The following MMP16 variants were observed in gnomAD, a reference collection of about 807,000 sequenced individuals.
MMP16 encodes the protein matrix metalloproteinase-16.
Under a neutral mutation model 67.8 loss-of-function variants are expected in MMP16, and 12 were observed. That is an observed-to-expected ratio of 0.18 (90% CI 0.11 to 0.29). The LOEUF (loss-of-function observed/expected upper bound fraction) is 0.29. Ranked by LOEUF, MMP16 falls within the 10% of genes least tolerant of loss-of-function variation. The pLI is 1.00. For synonymous variants in MMP16, 249 were observed against 255.9 expected, an observed-to-expected ratio of 0.97 and a Z score of 0.26; for missense variants, 475 against 765.7, an observed-to-expected ratio of 0.62 and a Z score of 4.48.
intron 3 of MMP16, among the ~76,000 whole-genome samples, chr8:88,178,882 T>G (rs1166567922): frequency 6.6e-6 from 1 of 152,090 alleles, no homozygotes; most frequent in African/African-American, 2.4e-5. Context: ...CAATATATTG[T>G]ATCTAATCTC....
intron 4 of MMP16, among the ~76,000 whole-genome samples, chr8:88,128,157 A>T (rs981665012): frequency 3.3e-5 from 5 of 151,874 alleles, no homozygotes; most frequent in African/African-American, 1.2e-4. Flanking sequence ...TCCTTCATAA[A>T]GTTGGAAGCC....
chr8:88,116,848 A>G, intron 5 of MMP16, 130 bp from the exon 6 acceptor site: 1 of 806,676 alleles, frequency 1.2e-6, no homozygotes, highest in Non-Finnish European at 1.9e-6. Flanking sequence ...TTAAGATCGT[A>G]TATTTTCTGA....
At chr8:88,144,128 T>A (rs1808254683) in intron 4 of MMP16, among the ~76,000 whole-genome samples, 1 of 151,964 alleles carries the variant, frequency 6.6e-6, no homozygotes, top group Non-Finnish European at 1.5e-5. Flanking sequence ...TTGACTCTGG[T>A]TTAATGTATA....
chr8:88,103,196 C>A (rs555313495), intron 6 of MMP16, among the ~76,000 whole-genome samples: 1 of 151,882 alleles, frequency 6.6e-6, no homozygotes, highest in East Asian at 2.0e-4. Context: ...AGATTATATC[C>A]CTTCACAAAA....
intron 1 of MMP16, among the ~76,000 whole-genome samples, chr8:88,276,151 T>C (rs975925903): frequency 1.3e-5 from 2 of 152,052 alleles, no homozygotes; most frequent in Admixed American, 6.6e-5. Context: ...ATTTGCAGAA[T>C]TGGACAGAGA....
chr8:88,208,091 A>G (rs1026226402), intron 1 of MMP16, among the ~76,000 whole-genome samples: 3 of 152,236 alleles, frequency 2.0e-5, no homozygotes, highest in Admixed American at 6.5e-5. Context: ...ATTGAGAAGA[A>G]AACATAGTTG....
chr8:88,207,809 T>A (rs1258977926), intron 1 of MMP16, among the ~76,000 whole-genome samples: 1 of 152,074 alleles, frequency 6.6e-6, no homozygotes. Flanking sequence ...AATCTCCAGT[T>A]GAAAAAGGAG....
At chr8:88,292,841 C>A (rs190210650) in intron 1 of MMP16, among the ~76,000 whole-genome samples, 2 of 152,138 alleles carry the variant, frequency 1.3e-5, no homozygotes, top group East Asian at 3.9e-4. Flanking sequence ...AACCTATAAG[C>A]CTCTTTTAAG....
chr8:88,233,311 C>T (rs972896163), intron 1 of MMP16, among the ~76,000 whole-genome samples: 1 of 151,914 alleles, frequency 6.6e-6, no homozygotes, highest in Admixed American at 6.6e-5. Context: ...ACTTTATAGC[C>T]CAGTCTGCTT....
At chr8:88,262,175 A>G (rs1484666548) in intron 1 of MMP16, among the ~76,000 whole-genome samples, 1 of 152,206 alleles carries the variant, frequency 6.6e-6, no homozygotes, top group Non-Finnish European at 1.5e-5. Flanking sequence ...ATTATAAAAC[A>G]TACTCCAGAC....
At chr8:88,207,258 A>G (rs556861890) in intron 1 of MMP16, among the ~76,000 whole-genome samples, 1 of 152,310 alleles carries the variant, frequency 6.6e-6, no homozygotes. Context: ...ACAAAGATGC[A>G]GTGTTAAATA....
chr8:88,287,785 G>A (rs1226636482), intron 1 of MMP16, among the ~76,000 whole-genome samples: 1 of 152,142 alleles, frequency 6.6e-6, no homozygotes, highest in African/African-American at 2.4e-5. Flanking sequence ...ATGGTGCCCA[G>A]AGCTTTGAGT....
chr8:88,121,244 C>G (rs1807824696), intron 4 of MMP16, among the ~76,000 whole-genome samples: 1 of 151,926 alleles, frequency 6.6e-6, no homozygotes, highest in Non-Finnish European at 1.5e-5. Flanking sequence ...GGAGTCATTC[C>G]TTGTCTCAGG....
At chr8:88,114,902 T>C (rs1809403313) in intron 6 of MMP16, among the ~76,000 whole-genome samples, 1 of 151,960 alleles carries the variant, frequency 6.6e-6, no homozygotes, top group African/African-American at 2.4e-5. Context: ...ATGTACTTTT[T>C]ATCAGTTCCT....
At chr8:88,098,030 C>A (rs1322467884) in intron 6 of MMP16, among the ~76,000 whole-genome samples, 4 of 151,912 alleles carry the variant, frequency 2.6e-5, no homozygotes, top group Non-Finnish European at 5.9e-5. Flanking sequence ...GACACCCTCA[C>A]TCTGACACCA....
Position 88,041,632 on chromosome 8 carries a change from A to T in MMP16, c.1653T>A (p.Ile551=), listed in dbSNP as rs2118186150. ...TGGCTGTGTTGTCCAGTTTGATGACAATGTCTACATCATCTGGTGGGCTGT... is the reference window on the plus strand; with the variant it reads ...TGGCTGTGTTGTCCAGTTTGATGACTATGTCTACATCATCTGGTGGGCTGT... ...EGHSPPDDVD[I]VIKLDNTAST... is the part of the protein sequence containing the mutation. Residue 551 remains isoleucine, a synonymous_variant, in exon 10 of 10, where the codon ATT becomes ATA. Coordinates refer to ENST00000286614, the MANE Select transcript of MMP16 (RefSeq NM_005941.5). This position sits in a 1 kb window ranked among gnomAD's most constrained non-coding sequence, Gnocchi z 6.0. The T allele has an allele frequency of 6.2e-7, 1 of 1,614,080 alleles. No homozygotes were observed. Among genetic ancestry groups the T allele is most frequent in the South Asian group, 1.1e-5 (1 of 91,072 alleles).
chr8:88,303,692 G>C (rs965916525), intron 1 of MMP16, among the ~76,000 whole-genome samples: 14 of 152,172 alleles, frequency 9.2e-5, no homozygotes, highest in African/African-American at 3.1e-4. Flanking sequence ...CTAGGGTCTG[G>C]AGCAGACCCC....
chr8:88,090,164 T>A (rs1265809044), intron 6 of MMP16, among the ~76,000 whole-genome samples: 2 of 151,916 alleles, frequency 1.3e-5, no homozygotes, highest in African/African-American at 2.4e-5. Flanking sequence ...GTTTTAGAAT[T>A]TTTCAGTGTT....
rs563188770 is a variant in MMP16, at chr8:88,294,522, G to A, written c.132+32553C>T. Among the ~76,000 whole-genome samples, 472 of 150,630 alleles carry A rather than the reference G, an allele frequency of 3.1e-3. 2 individuals are homozygous for A. Among genetic ancestry groups the A allele is most frequent in the African/African-American group, 0.011 (449 of 41,052 alleles). On this transcript the variant is annotated intron_variant, in intron 1 of 9. Coordinates refer to ENST00000286614, the MANE Select transcript of MMP16 (RefSeq NM_005941.5). ...TATGTATATGTCTCTACACACACAT[G>A]TATATGTCTCTATACACATATATGT...
Sources: allele counts gnomAD v4.1 joint callset (sites outside exome capture counted in the v4.1 genomes callset), GRCh38; gene constraint gnomAD v4.1.1; non-coding constraint Gnocchi (gnomAD v3.1); transcripts MANE v1.5; gene names NCBI Gene and HGNC (gene_info 2026-07-23, HGNC 2026-07-21).